The following EML1 variants were observed in gnomAD, a reference collection of about 807,000 sequenced individuals.
The protein encoded by EML1 is EMAP like 1, also known as echinoderm microtubule-associated protein-like 1.
A neutral mutation model predicts 110.4 loss-of-function variants in EML1; 27 were observed. That is an observed-to-expected ratio of 0.24 (90% CI 0.18 to 0.34). EML1 has a LOEUF of 0.34. EML1 is among the 10% of genes least tolerant of loss of function. EML1 has a pLI of 1.00. For synonymous variants in EML1, 344 were observed against 385.8 expected (o/e 0.89, Z 1.27); for missense variants, 741 against 1,030.9 (o/e 0.72, Z 3.85).
At chr14:99,882,193 C>T (rs975752828) in intron 4 of EML1, among the ~76,000 whole-genome samples, 2 of 152,134 alleles carry the variant, frequency 1.3e-5, no homozygotes, top group African/African-American at 4.8e-5. Flanking sequence ...TGAAATACTA[C>T]ATTTAAATAG....
chr14:99,897,239 A>C lies in EML1; in HGVS notation c.772A>C (p.Asn258His). 6.2e-7 allele frequency: 1 copy of C among 1,613,166 alleles called. No homozygotes were observed. Among genetic ancestry groups the C allele is most frequent in the Non-Finnish European group, 8.5e-7 (1 of 1,179,662 alleles). Residue 258 changes from asparagine (N) to histidine (H), a missense_variant, in exon 7 of 22, where the codon AAC becomes CAC. Around this residue, in one of 4 missense-constraint regions of EML1, gnomAD observed 388 missense variants for 605.6 expected, o/e 0.64. Transcript: ENST00000262233. Reference sequence around the variant, plus strand: ...CATCGCATCCGTGGTGGTGTTATACAACGTGGAGGAGCAACTGCAGAGGCA... The same window carrying C: ...CATCGCATCCGTGGTGGTGTTATACCACGTGGAGGAGCAACTGCAGAGGCA... Reference protein sequence around the residue: ...YFIASVVVLYNVEEQLQRHYA... With the variant: ...YFIASVVVLYHVEEQLQRHYA...
rs1466692277 is a variant in EML1, at chr14:99,941,325, A to G, written c.*1213A>G. The G allele has an allele frequency of 6.6e-6, 1 of 152,262 alleles. No individual in the cohort carries two copies. The highest frequency in any genetic ancestry group is 1.9e-4 in the East Asian group (1 of 5,206). The allele number at this position is 152,262 out of a possible 1,614,324, so 9.4% of individuals were successfully genotyped here. A position where few individuals can be genotyped will look rare whatever the true frequency, so the allele number is the denominator to read the frequency against. On this transcript the variant is annotated 3_prime_UTR_variant, in exon 22 of 22. Transcript: ENST00000262233. Reference sequence around the variant, plus strand: ...AAATATTAAGATTTTTACTCATTCAAGGCAAGTAAATGAATGGAATTATCT... The same window carrying G: ...AAATATTAAGATTTTTACTCATTCAGGGCAAGTAAATGAATGGAATTATCT...
intron 17 of EML1, among the ~76,000 whole-genome samples, chr14:99,929,230 G>A (rs561682755): frequency 8.5e-5 from 13 of 152,342 alleles, no homozygotes; most frequent in South Asian, 4.1e-4. Flanking sequence ...AGCCAGGGCC[G>A]GGCCAACCGC....
At chr14:99,914,341 A>G (rs1266112383) in intron 14 of EML1, 37 bp downstream of exon 14, 1 of 1,593,992 alleles carries the variant, frequency 6.3e-7, no homozygotes, top group Admixed American at 1.7e-5. Flanking sequence ...AAACACTCTC[A>G]TTTTGCATTA....
At chr14:99,833,143 A>G (rs1188948903) in intron 1 of EML1, among the ~76,000 whole-genome samples, 1 of 152,072 alleles carries the variant, frequency 6.6e-6, no homozygotes, top group African/African-American at 2.4e-5. Context: ...TTTATTTCTT[A>G]CTTTTAGGTT....
chr14:99,783,238 G>A lies in EML1; in HGVS notation c.-27+9225G>A, dbSNP rs183918373. 4.4e-4 allele frequency among the ~76,000 whole-genome samples: 65 copies of A among 147,666 alleles called. No homozygotes were observed. In the South Asian group the frequency reaches 7.5e-3, roughly 17 times the overall value. Reference sequence around the variant, plus strand: ...TTCCCACCTATGAGAGAGAACATGCGGTGTCTGGTTTTTTGTCCTTGCAAT... The same window carrying A: ...TTCCCACCTATGAGAGAGAACATGCAGTGTCTGGTTTTTTGTCCTTGCAAT... On this transcript the variant is annotated intron_variant, in intron 1 of 22. Coordinates refer to the EML1 transcript ENST00000327921.
chr14:99,897,573 C>T (rs1157114411), intron 7 of EML1, among the ~76,000 whole-genome samples: 3 of 152,120 alleles, frequency 2.0e-5, no homozygotes, highest in African/African-American at 4.8e-5. Context: ...TACTGCGCTC[C>T]GTGAGACCCC....
chr14:99,853,997 G>T (rs1417480168), intron 2 of EML1, among the ~76,000 whole-genome samples: 3 of 152,148 alleles, frequency 2.0e-5, no homozygotes, highest in Non-Finnish European at 2.9e-5. Context: ...AATATCAAAT[G>T]ATTTTTTCCC....
At chr14:99,868,903 G>C (rs533474894) in intron 3 of EML1, among the ~76,000 whole-genome samples, 1 of 152,228 alleles carries the variant, frequency 6.6e-6, no homozygotes, top group South Asian at 2.1e-4. Flanking sequence ...TTAGGAGGCT[G>C]ATGTGAGATC....
At chr14:99,933,237 G>A (rs775804731) in intron 17 of EML1, among the ~76,000 whole-genome samples, 8 of 152,210 alleles carry the variant, frequency 5.3e-5, no homozygotes, top group East Asian at 3.9e-4. Flanking sequence ...GTGCAGTGGC[G>A]CAATCTCGGC....
intron 17 of EML1, among the ~76,000 whole-genome samples, chr14:99,933,092 G>A (rs1319160087): frequency 2.6e-5 from 4 of 152,312 alleles, no homozygotes; most frequent in Middle Eastern, 3.4e-3. Context: ...GGGTGACACA[G>A]CGAGACCCCA....
At chr14:99,814,428 A>AT (rs1373669759) in intron 1 of EML1, among the ~76,000 whole-genome samples, 3 of 151,720 alleles carry the variant, frequency 2.0e-5, no homozygotes, top group Non-Finnish European at 4.4e-5. Flanking sequence ...AGTCCAGATA[A>AT]TTTTTTTTCT....
chr14:99,814,028 A>G (rs891845517), intron 1 of EML1, among the ~76,000 whole-genome samples: 5 of 152,146 alleles, frequency 3.3e-5, no homozygotes, highest in African/African-American at 1.2e-4. Context: ...TCTAAAACAG[A>G]TGATGAAGAG....
At chr14:99,791,717 T>A (rs1337427432), upstream of EML1, among the ~76,000 whole-genome samples, 1 of 152,118 alleles carries the variant, frequency 6.6e-6, no homozygotes, top group Non-Finnish European at 1.5e-5. Context: ...TGCAGCCCAG[T>A]CGGCAGGCAG....
upstream of EML1, among the ~76,000 whole-genome samples, chr14:99,772,523 T>C (rs1372175009): frequency 6.6e-6 from 1 of 152,194 alleles, no homozygotes; most frequent in Non-Finnish European, 1.5e-5. Flanking sequence ...ACTCACCCCC[T>C]GGGGGTTGAT....
chr14:99,796,915 G>A (rs1369550609), intron 1 of EML1, among the ~76,000 whole-genome samples: 2 of 133,378 alleles, frequency 1.5e-5, no homozygotes, highest in Non-Finnish European at 3.4e-5. Context: ...GTGTATGTGT[G>A]TGTGTGTGTG....
chr14:99,791,291 C>A (rs1400488797), upstream of EML1, among the ~76,000 whole-genome samples: 2 of 152,250 alleles, frequency 1.3e-5, no homozygotes, highest in African/African-American at 4.8e-5. Flanking sequence ...TCACCCCAGC[C>A]TCATCCTCCT....
intron 1 of EML1, among the ~76,000 whole-genome samples, chr14:99,754,194 C>G (rs58375254): frequency 0.091 from 13,800 of 152,312 alleles, 1,079 homozygotes; most frequent in African/African-American, 0.21. Context: ...CCTGGCATCC[C>G]TGGAGTGCCA....
At chr14:99,902,801 G>C (rs1385980054) in intron 9 of EML1, among the ~76,000 whole-genome samples, 1 of 152,128 alleles carries the variant, frequency 6.6e-6, no homozygotes, top group Non-Finnish European at 1.5e-5. Flanking sequence ...TGGGGCTCCT[G>C]GGCCTGTGAG....
Sources: gnomAD v4.1 joint callset for allele counts (sites outside exome capture counted in the v4.1 genomes callset) on GRCh38, gnomAD v4.1.1 for gene constraint, gnomAD v4.1.1 regional missense constraint, MANE v1.5 for transcripts, NCBI Gene and HGNC (gene_info 2026-07-23, HGNC 2026-07-21) for gene names.